Variants in GGNBP2 observed in about 807,000 individuals in gnomAD.
GGNBP2 encodes the protein gametogenetin binding protein 2.
A neutral mutation model predicts 85.9 loss-of-function variants in GGNBP2; 10 were observed. The observed-to-expected ratio is 0.12, with a 90% CI of 0.07 to 0.20. GGNBP2 has a LOEUF of 0.20. GGNBP2 is among the 10% of genes least tolerant of loss of function. The probability of loss-of-function intolerance (pLI) is 1.00; values close to 1 mark genes in which losing one functional copy is unlikely to be tolerated. For missense variants in GGNBP2, 595 were observed against 857.8 expected, an observed-to-expected ratio of 0.69 and a Z score of 3.83; for synonymous variants, 287 against 285.7, an observed-to-expected ratio of 1.00 and a Z score of -0.05.
intron 9 of GGNBP2, 159 bp downstream of exon 9, chr17:36,581,697 A>G: frequency 2.3e-6 from 1 of 426,272 alleles, no homozygotes; most frequent in Admixed American, 4.2e-5. Flanking sequence ...CCTGGGCAAG[A>G]TAGTGAGATC....
chr17:36,550,254 G>T (rs535193295), intron 2 of GGNBP2, among the ~76,000 whole-genome samples: 45 of 152,118 alleles, frequency 3.0e-4, no homozygotes, highest in African/African-American at 1.1e-3. Context: ...TTACATTTCT[G>T]CATTGCAGTT....
rs939670781 is a variant in GGNBP2, at chr17:36,557,208, T to C, written c.300T>C (p.Phe100=). Residue 100 remains phenylalanine, a synonymous_variant, in exon 4 of 14, where the codon TTT becomes TTC. Transcript: ENST00000613102. The stretch of plus-strand genomic sequence containing the variant: ...GTCGTCGCAGTGTGGAGCGTCTCTT[T>C]TCCCAGCTTGTAGAGTCTGGAAATC... The part of the protein sequence containing the change: ...VGCRRSVERL[F]SQLVESGNPA... 1 of 1,614,164 alleles carries C rather than the reference T, an allele frequency of 6.2e-7. No homozygotes were observed.
intron 4 of GGNBP2, 102 bp downstream of exon 4, chr17:36,557,438 A>T (rs1020956808): frequency 4.2e-5 from 42 of 1,007,196 alleles, no homozygotes; most frequent in Non-Finnish European, 5.6e-5. Context: ...GTCTGATTTA[A>T]TAATTTTATT....
At position 36,587,206 on chromosome 17, in the gene GGNBP2, C is replaced by G; in HGVS notation, c.1851C>G (p.Pro617=). ...AACCTACAGAAACGTTGTTTGGTCCCGATTCCGGAAAAGGTGCCAAGAGCT... is the reference window on the plus strand; with the variant it reads ...AACCTACAGAAACGTTGTTTGGTCCGGATTCCGGAAAAGGTGCCAAGAGCT... The part of the protein sequence containing the change: ...FAEPTETLFG[P]DSGKGAKSLV... The change falls in exon 13 of 14, where the codon CCC becomes CCG. Residue 617 remains proline, a synonymous_variant. Transcript: ENST00000613102. 6.2e-7 allele frequency: 1 copy of G among 1,614,064 alleles called. No homozygotes were observed. The highest frequency in any genetic ancestry group is 8.5e-7 in the Non-Finnish European group (1 of 1,180,006).
rs1279783352 is a variant in GGNBP2 at position 36,578,199 on chromosome 17, A to C, written c.845+13A>C. 2.5e-6 allele frequency: 4 copies of C among 1,586,564 alleles called. No homozygotes were observed. The highest frequency in any genetic ancestry group is 3.4e-6 in the Non-Finnish European group (4 of 1,161,318). ...AGTTCGCAGGAGGGTATGAGTATGTAATTTGCTAGAATGGGCTATCTAGCG... is the reference window on the plus strand; with the variant it reads ...AGTTCGCAGGAGGGTATGAGTATGTCATTTGCTAGAATGGGCTATCTAGCG... On this transcript the variant is annotated intron_variant, in intron 7 of 13. Transcript: ENST00000613102.
At chr17:36,568,528 C>G (rs1555606262) in intron 6 of GGNBP2, among the ~76,000 whole-genome samples, 1 of 151,664 alleles carries the variant, frequency 6.6e-6, no homozygotes, top group South Asian at 2.1e-4. Context: ...AACTCCTGAC[C>G]TCAGGTAATC....
intron 9 of GGNBP2, among the ~76,000 whole-genome samples, chr17:36,583,156 C>G (rs1237707537): frequency 6.6e-6 from 1 of 152,050 alleles, no homozygotes; most frequent in Non-Finnish European, 1.5e-5. Flanking sequence ...CGGGTTCAAG[C>G]AATTCTCCTG....
At chr17:36,560,323 G>A (rs534001194) in intron 4 of GGNBP2, among the ~76,000 whole-genome samples, 15 of 152,142 alleles carry the variant, frequency 9.9e-5, no homozygotes, top group South Asian at 2.1e-4. Context: ...TGGAAGGTGC[G>A]GATAGTAGTA....
intron 10 of GGNBP2, 52 bp downstream of exon 10, chr17:36,585,502 C>A: frequency 7.9e-7 from 1 of 1,270,912 alleles, no homozygotes; most frequent in Non-Finnish European, 1.1e-6. Flanking sequence ...TTCTTTCTTA[C>A]TGTTAAATGT....
At chr17:36,566,519 A>C (rs1555605858) in intron 5 of GGNBP2, among the ~76,000 whole-genome samples, 1 of 151,928 alleles carries the variant, frequency 6.6e-6, no homozygotes, top group Non-Finnish European at 1.5e-5. Flanking sequence ...ACAAAAAATA[A>C]AAAAATAAAA....
At chr17:36,556,069 T>C (rs1052617746) in intron 3 of GGNBP2, among the ~76,000 whole-genome samples, 3 of 152,226 alleles carry the variant, frequency 2.0e-5, no homozygotes, top group Non-Finnish European at 2.9e-5. Flanking sequence ...TGTCCTACTT[T>C]CCTATCCGTT....
intron 3 of GGNBP2, among the ~76,000 whole-genome samples, chr17:36,555,551 G>T (rs2074353777): frequency 6.6e-6 from 1 of 152,118 alleles, no homozygotes; most frequent in Admixed American, 6.6e-5. Flanking sequence ...AAAAAGTTGG[G>T]CAGACATGGC....
rs540331387 is a variant in GGNBP2 at position 36,567,826 on chromosome 17, A to G, written c.641+50A>G. ...TAATGTGGAAGGTGCCTTATGTGTCAGTCACCTAGAGTGGCCTGTCACTGA... is the reference window on the plus strand; with the variant it reads ...TAATGTGGAAGGTGCCTTATGTGTCGGTCACCTAGAGTGGCCTGTCACTGA... On this transcript the variant is annotated intron_variant, in intron 6 of 13. Transcript: ENST00000613102. 159 of 898,052 alleles carry G rather than the reference A, an allele frequency of 1.8e-4. 1 individual carries two copies. The African/African-American group carries it at 2.3e-3, about 13-fold the overall frequency. The allele number at this position is 898,052 out of a possible 1,614,324, so 55.6% of individuals were successfully genotyped here.
chr17:36,565,768 C>T (rs752242752), intron 5 of GGNBP2, among the ~76,000 whole-genome samples: 3 of 152,066 alleles, frequency 2.0e-5, no homozygotes, highest in Non-Finnish European at 4.4e-5. Flanking sequence ...TGGTAGCACA[C>T]GCCTGTAGTC....
Position 36,587,118 on chromosome 17 carries a change from C to T in GGNBP2, c.1763C>T (p.Ser588Phe). Residue 588 changes from serine (S) to phenylalanine (F), a missense_variant, in exon 13 of 14, where the codon TCT becomes TTT. Ser to Phe is a radical substitution (Grantham distance 155, BLOSUM62 -2). Around this residue, in one of 9 missense-constraint regions of GGNBP2, gnomAD observed 120 missense variants for 126.3 expected, o/e 0.95. Transcript: ENST00000613102. ...ACACATCCTGAAAGCTGTTGCAGCT[C>T]TGAAAAGGGTGGGCAGCCATTGCCT... is the stretch of plus-strand genomic sequence containing the variant. ...KDTHPESCCSSEKGGQPLPWF... is the reference protein window; with the variant it reads ...KDTHPESCCSFEKGGQPLPWF... 1.2e-6 allele frequency: 2 copies of T among 1,614,052 alleles called. No homozygotes were observed. The highest frequency in any genetic ancestry group is 1.7e-6 in the Non-Finnish European group (2 of 1,180,028).
At chr17:36,554,350 GA>G (rs1236917949) in intron 2 of GGNBP2, among the ~76,000 whole-genome samples, 19 of 97,058 alleles carry the variant, frequency 2.0e-4, no homozygotes, top group African/African-American at 6.3e-4. Context: ...TTATGTACTT[GA>G]ATTTTTTTTT....
At chr17:36,571,392 A>G (rs547953291) in intron 6 of GGNBP2, among the ~76,000 whole-genome samples, 12 of 152,232 alleles carry the variant, frequency 7.9e-5, no homozygotes, top group Admixed American at 2.0e-4. Context: ...TCTACTAAAA[A>G]TACAAAAATT....
intron 2 of GGNBP2, among the ~76,000 whole-genome samples, chr17:36,550,429 G>A (rs1481150767): frequency 6.6e-6 from 1 of 152,074 alleles, no homozygotes; most frequent in Non-Finnish European, 1.5e-5. Context: ...ATCCACTTGG[G>A]AATTAGATGT....
At chr17:36,552,070 C>T (rs191753147) in intron 2 of GGNBP2, among the ~76,000 whole-genome samples, 45 of 152,142 alleles carry the variant, frequency 3.0e-4, no homozygotes, top group Admixed American at 2.4e-3. Flanking sequence ...TTTTTTATTA[C>T]GGCTATTGGT....
Sources: gnomAD v4.1 joint callset for allele counts (sites outside exome capture counted in the v4.1 genomes callset) on GRCh38, gnomAD v4.1.1 for gene constraint, gnomAD v4.1.1 regional missense constraint, MANE v1.5 for transcripts, NCBI Gene and HGNC (gene_info 2026-07-23, HGNC 2026-07-21) for gene names.